Variants in RYR1 observed in about 807,000 individuals in gnomAD.
The protein encoded by RYR1 is central core disease of muscle.
RYR1 carries 342 observed loss-of-function variants against 583.5 expected under a neutral mutation model. The observed-to-expected ratio is 0.59, with a 90% CI of 0.54 to 0.64. RYR1 has a LOEUF of 0.64. Ranked by LOEUF, RYR1 falls within the 30% of genes least tolerant of loss-of-function variation. The pLI, the probability that RYR1 is intolerant of heterozygous loss-of-function variation, is 0.00. For synonymous variants in RYR1, 2,791 were observed against 2,822.5 expected (o/e 0.99, Z 0.35); for missense variants, 6,032 against 6,917.2 (o/e 0.87, Z 4.54).
chr19:38,527,799 A>AG lies in RYR1; in HGVS notation c.10824+19dup, dbSNP rs748517849. 152 of 1,600,672 alleles carry AG rather than the reference A, an allele frequency of 9.5e-5. No homozygotes were observed. Among genetic ancestry groups the AG allele is most frequent in the Non-Finnish European group, 1.1e-4 (134 of 1,172,824 alleles). On this transcript the variant is annotated intron_variant, in intron 73 of 105. Coordinates refer to ENST00000359596, the MANE Select transcript of RYR1 (RefSeq NM_000540.3). ...ACCTGGACCAGGTGGGTGGGGCCGG[A>AG]GGGGTCTTTCTACTGGGTCTCTGGG...
chr19:38,537,861 T>TCC lies in RYR1; in HGVS notation c.11609-16_11609-15dup. ...CGCATCTGACCCCTCCTGGGCCCTG[T>TCC]CCCCTCCCTTCCACCTAGGAGAGAA... On this transcript the variant is annotated intron_variant, in intron 83 of 105. Coordinates refer to ENST00000359596, the MANE Select transcript of RYR1 (RefSeq NM_000540.3). 6.2e-7 allele frequency: 1 copy of TCC among 1,612,198 alleles called. No homozygotes were observed. Among genetic ancestry groups the TCC allele is most frequent in the South Asian group, 1.1e-5 (1 of 91,026 alleles).
chr19:38,565,224 T>C lies in RYR1; in HGVS notation c.12890T>C (p.Val4297Ala). Residue 4297 changes from valine to alanine, a missense_variant, in exon 91 of 106, where the codon GTT (valine) becomes GCT (alanine). Val to Ala is a moderately conservative substitution (Grantham distance 64). Coordinates refer to ENST00000359596, the MANE Select transcript of RYR1 (RefSeq NM_000540.3). This position sits in a 1 kb window ranked among gnomAD's most constrained non-coding sequence, Gnocchi z 4.7. ...ATAAAGATAR[V>A]VAAAGRALRG... is the part of the protein sequence containing the mutation. ...GCGGCGGCGGGGGCGACGGCGCGGG[T>C]TGTGGCGGCCGCAGGCCGGGCCCTG... 1 of 988,524 alleles carries C rather than the reference T, an allele frequency of 1.0e-6. No individual in the cohort carries two copies. Among genetic ancestry groups the C allele is most frequent in the Non-Finnish European group, 1.2e-6 (1 of 834,318 alleles). The allele number at this position is 988,524 out of a possible 1,614,324, so 61.2% of individuals were successfully genotyped here.
At chr19:38,482,522 C>T (rs1347431100) in intron 31 of RYR1, among the ~76,000 whole-genome samples, 4 of 152,080 alleles carry the variant, frequency 2.6e-5, no homozygotes. Context: ...GCAATCATGG[C>T]TCACTGCAGC....
At chr19:38,576,112 T>C in intron 97 of RYR1, 151 bp downstream of exon 97, 1 of 827,398 alleles carries the variant, frequency 1.2e-6, no homozygotes, top group South Asian at 1.4e-5. Context: ...CATGGGGAGA[T>C]GGGCATAGTA....
intron 13 of RYR1, among the ~76,000 whole-genome samples, chr19:38,453,666 G>A (rs1967212681): frequency 6.6e-6 from 1 of 151,862 alleles, no homozygotes; most frequent in African/African-American, 2.4e-5. Flanking sequence ...GTAAGGGGTA[G>A]GGAGTGTTGG....
In RYR1 at chr19:38,500,908, GC is replaced by G; in HGVS notation, c.7533del (p.Ile2512SerfsTer19). On this transcript the variant is annotated frameshift_variant, in exon 47 of 106. Transcript: ENST00000359596. LOFTEE classifies it high-confidence loss of function. The surrounding 1 kb of genome is among the most constrained non-coding windows in gnomAD (Gnocchi z 5.9). The part of the protein sequence containing the change: ...SMVLFLDRVY[G>X]IENQDFLLHV... The stretch of plus-strand genomic sequence containing the variant: ...GTGCTCTTCCTGGACCGTGTGTATG[GC>G]ATCGAGAACCAGGACTTCTTGCTGC... The G allele has an allele frequency of 6.2e-7, 1 of 1,614,130 alleles. No homozygotes were observed. The highest frequency in any genetic ancestry group is 8.5e-7 in the Non-Finnish European group (1 of 1,180,004).
chr19:38,522,059 T>C (rs1971249842), intron 67 of RYR1, among the ~76,000 whole-genome samples: 1 of 151,974 alleles, frequency 6.6e-6, no homozygotes, highest in South Asian at 2.1e-4. Flanking sequence ...ATATGGATGA[T>C]TTTTCAGGAG....
intron 29 of RYR1, 53 bp downstream of exon 29, chr19:38,475,503 C>G: frequency 4.4e-6 from 7 of 1,608,524 alleles, no homozygotes; most frequent in Non-Finnish European, 2.5e-6. Flanking sequence ...CATAGGCACT[C>G]CTGAATTTCC....
Position 38,564,985 on chromosome 19 carries a change from C to A in RYR1, c.12651C>A (p.Ile4217=), listed in dbSNP as rs1430076584. The A allele has an allele frequency of 6.3e-7, 1 of 1,591,256 alleles. No homozygotes were observed. Among genetic ancestry groups the A allele is most frequent in the East Asian group, 2.3e-5 (1 of 44,032 alleles). ...PQVKESKRQF[I]FDVVNEGGEA... ...TGAAGGAGTCCAAGCGCCAGTTCAT[C>A]TTCGACGTGGTGAACGAGGGCGGCG... Residue 4217 remains isoleucine, a synonymous_variant, in exon 91 of 106, where the codon ATC becomes ATA. Transcript: ENST00000359596.
chr19:38,466,401 G>C lies in RYR1; in HGVS notation c.3178+3G>C. ...CGAGCCTCCTGACCAGGAGCCCAGT[G>C]AGTGCTCACCCCTGGCCCTGGCCCT... On this transcript the variant is annotated splice_donor_region_variant and intron_variant, in intron 24 of 105. Transcript: ENST00000359596. The C allele has an allele frequency of 6.5e-7, 1 of 1,544,164 alleles. No homozygotes were observed.
chr19:38,462,573 G>A (rs551999214), intron 20 of RYR1, among the ~76,000 whole-genome samples: 3 of 151,856 alleles, frequency 2.0e-5, no homozygotes, highest in East Asian at 1.9e-4. Flanking sequence ...CGCCAACACC[G>A]CTACTGTCTA....
chr19:38,502,816 C>CAGGGAGAGGGGG (rs1970241635), intron 48 of RYR1, 64 bp from the exon 49 acceptor site: 1 of 1,294,952 alleles, frequency 7.7e-7, no homozygotes. Context: ...GGGGGAGGAG[C>CAGGGAGAGGGGG]AGGGGCAGGG....
chr19:38,474,675 A>G (rs554026828), intron 28 of RYR1, among the ~76,000 whole-genome samples: 1 of 147,104 alleles, frequency 6.8e-6, no homozygotes, highest in East Asian at 2.0e-4. Context: ...CCTGGGTTCA[A>G]GCAATTCTCC....
chr19:38,436,351 G>A (rs966372173), intron 1 of RYR1, among the ~76,000 whole-genome samples: 3 of 152,046 alleles, frequency 2.0e-5, no homozygotes, highest in African/African-American at 2.4e-5. Flanking sequence ...GGGACTACAC[G>A]TGCATAGCAC....
In RYR1 at chr19:38,521,704, A is replaced by C. The variant is rs1971231122; in HGVS notation, c.10260-1324A>C. Among the ~76,000 whole-genome samples, 6 of 151,456 alleles carry C rather than the reference A, an allele frequency of 4.0e-5. No individual in the cohort carries two copies. In the South Asian group the frequency reaches 1.3e-3, roughly 32 times the overall value. On this transcript the variant is annotated intron_variant, in intron 67 of 105. Transcript: ENST00000359596. Reference sequence around the variant, plus strand: ...AGAGCGAGACCCTGTCTCAAAAAAGAAAAAAAGAAAATTTTTTTTTTTTTT... The same window carrying C: ...AGAGCGAGACCCTGTCTCAAAAAAGCAAAAAAGAAAATTTTTTTTTTTTTT...
chr19:38,565,254 G>C lies in RYR1; in HGVS notation c.12920G>C (p.Gly4307Ala). ...VVAAAGRALRGLSYRSLRRRV... is the reference protein window; with the variant it reads ...VVAAAGRALRALSYRSLRRRV... ...GCGGCCGCAGGCCGGGCCCTGCGAG[G>C]CCTCAGCTACCGCAGCCTGCGGCGG... Residue 4307 changes from glycine (G) to alanine (A), a missense_variant, in exon 91 of 106, where the codon GGC (glycine) becomes GCC (alanine). Coordinates refer to ENST00000359596, the MANE Select transcript of RYR1 (RefSeq NM_000540.3). The surrounding 1 kb of genome is among the most constrained non-coding windows in gnomAD (Gnocchi z 4.7). 1.0e-6 allele frequency: 1 copy of C among 991,648 alleles called. No individual in the cohort carries two copies. 61.4% of individuals were successfully genotyped at this position (991,648 alleles called of 1,614,324 possible).
chr19:38,561,085 C>T lies in RYR1; in HGVS notation c.12283-28C>T. 1 of 1,584,054 alleles carries T rather than the reference C, an allele frequency of 6.3e-7. No individual in the cohort carries two copies. Among genetic ancestry groups the T allele is most frequent in the Non-Finnish European group, 8.7e-7 (1 of 1,152,784 alleles). On this transcript the variant is annotated intron_variant, in intron 89 of 105. Coordinates refer to ENST00000359596, the MANE Select transcript of RYR1 (RefSeq NM_000540.3). The surrounding 1 kb of genome is among the most constrained non-coding windows in gnomAD (Gnocchi z 4.8). ...GAGAGAATTGAGGCTCTCCAGGTCA[C>T]CCCACTGACCTCCCTGCCCGCCCCC...
chr19:38,499,802 AG>A lies in RYR1; in HGVS notation c.7198del (p.Asp2400ThrfsTer30), dbSNP rs777823338. On this transcript the variant is annotated frameshift_variant, in exon 44 of 106. Coordinates refer to ENST00000359596, the MANE Select transcript of RYR1 (RefSeq NM_000540.3). LOFTEE classifies it high-confidence loss of function. This position sits in a 1 kb window ranked among gnomAD's most constrained non-coding sequence, Gnocchi z 7.3. ...DPARDGPGIRRDRRREHFGEE... is the reference protein window; with the variant it reads ...DPARDGPGIRXDRRREHFGEE... The stretch of plus-strand genomic sequence containing the variant: ...TGCGAGGGATGGCCCAGGCATCCGC[AG>A]GGACCGGCGGCGCGAGCAGTGAGTC... The A allele has an allele frequency of 6.2e-7, 1 of 1,605,526 alleles. No homozygotes were observed. Among genetic ancestry groups the A allele is most frequent in the Non-Finnish European group, 8.5e-7 (1 of 1,179,210 alleles).
intron 1 of RYR1, among the ~76,000 whole-genome samples, chr19:38,437,776 A>T (rs971532424): frequency 1.3e-5 from 2 of 152,114 alleles, no homozygotes; most frequent in Non-Finnish European, 2.9e-5. Context: ...TGATCTCGCC[A>T]CTGCACTCCA....
Sources: allele counts gnomAD v4.1 joint callset (sites outside exome capture counted in the v4.1 genomes callset), GRCh38; gene constraint gnomAD v4.1.1; non-coding constraint Gnocchi (gnomAD v3.1); transcripts MANE v1.5; gene names NCBI Gene and HGNC (gene_info 2026-07-23, HGNC 2026-07-21).